PAX8: variants seen among roughly 807,000 people sequenced by gnomAD.
PAX8 encodes the protein paired box protein Pax-8.
Under a neutral mutation model 52.4 loss-of-function variants are expected in PAX8, and 15 were observed. That is an observed-to-expected ratio of 0.29 (90% confidence interval 0.19 to 0.44). PAX8 has a LOEUF of 0.44. Among genes scored for constraint, PAX8 ranks in the 20% least tolerant of loss-of-function variants. PAX8 has a pLI of 1.00. For missense variants in PAX8, 554 were observed against 602.5 expected, an observed-to-expected ratio of 0.92 and a Z score of 0.84; for synonymous variants, 284 against 249.7, an observed-to-expected ratio of 1.14 and a Z score of -1.29.
At chr2:113,228,566 A>C (rs1197317549) in intron 9 of PAX8, among the ~76,000 whole-genome samples, 1 of 152,240 alleles carries the variant, frequency 6.6e-6, no homozygotes, top group African/African-American at 2.4e-5. Context: ...TGACAACAAA[A>C]ATGCCTCCAG....
Position 113,235,489 on chromosome 2 carries a change from T to A in PAX8, c.992A>T (p.Asp331Val), listed in dbSNP as rs772564615. 6.2e-6 allele frequency: 10 copies of A among 1,613,544 alleles called. No individual in the cohort carries two copies. Among genetic ancestry groups the A allele is most frequent in the Non-Finnish European group, 8.5e-6 (10 of 1,179,792 alleles). ...PSSLSSSAFL[D>V]LQQVGSGVPP... ...GACCCCGGAGCCGACTTGCTGCAGA[T>A]CCAAAAAGGCGGAGCTAGATAAAGA... is the stretch of plus-strand genomic sequence containing the variant. Residue 331 changes from aspartate to valine, a missense_variant, in exon 9 of 12, where the codon GAT becomes GTT. Physicochemically the swap from Asp to Val is radical, Grantham distance 152. Around this residue, in one of 2 missense-constraint regions of PAX8, gnomAD observed 445 missense variants for 409.9 expected, o/e 1.09. Transcript: ENST00000429538.
rs866301416 is a variant in PAX8, at chr2:113,235,227, C to G, written c.1087+167G>C. 25 of 603,458 alleles carry G rather than the reference C, an allele frequency of 4.1e-5. No homozygotes were observed. In the Middle Eastern group the frequency reaches 3.6e-3, roughly 87 times the overall value. The allele number at this position is 603,458 out of a possible 1,614,324, so 37.4% of individuals were successfully genotyped here. A position where few individuals can be genotyped will look rare whatever the true frequency, so the allele number is the denominator to read the frequency against. ...CCGCCCCTTCCGAGCATGTCTTCCC[C>G]GTCACAGAGAACTTCATGTTGGCGC... On this transcript the variant is annotated intron_variant, in intron 9 of 11. Coordinates refer to ENST00000429538, the MANE Select transcript of PAX8 (RefSeq NM_003466.4).
chr2:113,218,513 TC>T lies in PAX8; in HGVS notation c.*19del. The T allele has an allele frequency of 6.7e-7, 1 of 1,497,350 alleles. No individual in the cohort carries two copies. The highest frequency in any genetic ancestry group is 9.0e-7 in the Non-Finnish European group (1 of 1,106,782). The allele number at this position is 1,497,350 out of a possible 1,614,324, so 92.8% of individuals were successfully genotyped here. Reference sequence around the variant, plus strand: ...CTGAGTCCTCCTGTTGCTCAGTCGCTCCCACTGTCCCCATGGCAACTACAGA... The same window carrying T: ...CTGAGTCCTCCTGTTGCTCAGTCGCTCCACTGTCCCCATGGCAACTACAGA... On this transcript the variant is annotated 3_prime_UTR_variant, in exon 12 of 12. Transcript: ENST00000429538.
At chr2:113,273,709 T>C (rs1053805229) in intron 2 of PAX8, 4 of 152,228 alleles carry the variant, frequency 2.6e-5, no homozygotes, top group Admixed American at 2.6e-4. Context: ...ATATCTTCAC[T>C]AAATTACTGT....
chr2:113,229,084 G>C (rs1689745337), intron 9 of PAX8, among the ~76,000 whole-genome samples: 1 of 152,202 alleles, frequency 6.6e-6, no homozygotes, highest in Non-Finnish European at 1.5e-5. Flanking sequence ...CATAGGCTGG[G>C]ATAGGCATTT....
At chr2:113,220,376 G>C in intron 10 of PAX8, 198 bp from the exon 11 acceptor site, 2 of 586,744 alleles carry the variant, frequency 3.4e-6, no homozygotes, top group Non-Finnish European at 6.2e-6. Flanking sequence ...GAAAATTTGG[G>C]GCAGTGTCCT....
Position 113,217,630 on chromosome 2 carries a change from G to C in PAX8, c.*903C>G, listed in dbSNP as rs1689072267. The C allele has an allele frequency of 4.3e-6, 1 of 231,562 alleles. No homozygotes were observed. The highest frequency in any genetic ancestry group is 8.5e-6 in the Non-Finnish European group (1 of 117,056). The allele number at this position is 231,562 out of a possible 1,614,324, so 14.3% of individuals were successfully genotyped here. ...GTGCCTTGGGTCCCTTCAGTAGCTG[G>C]TGGGCGTGAGCTGCAGGAAGCACAT... On this transcript the variant is annotated 3_prime_UTR_variant, in exon 12 of 12. Coordinates refer to ENST00000429538, the MANE Select transcript of PAX8 (RefSeq NM_003466.4).
intron 9 of PAX8, among the ~76,000 whole-genome samples, chr2:113,228,236 A>G (rs1689697806): frequency 8.5e-5 from 13 of 152,172 alleles, no homozygotes; most frequent in Admixed American, 8.5e-4. Context: ...GCAGGCCCCA[A>G]TCAGATTCTC....
intron 4 of PAX8, among the ~76,000 whole-genome samples, chr2:113,243,670 G>T (rs2003986): frequency 0.15 from 22,342 of 152,192 alleles, 1,860 homozygotes; most frequent in Non-Finnish European, 0.19. Flanking sequence ...GGGATTACAG[G>T]CATGAGCCAC....
chr2:113,230,808 C>T (rs1369425461), intron 9 of PAX8, among the ~76,000 whole-genome samples: 1 of 152,194 alleles, frequency 6.6e-6, no homozygotes, highest in Admixed American at 6.5e-5. Flanking sequence ...CTAACCATGC[C>T]CTCTTACCTA....
intron 3 of PAX8, among the ~76,000 whole-genome samples, chr2:113,245,414 G>A (rs1488196031): frequency 6.6e-6 from 1 of 152,110 alleles, no homozygotes; most frequent in Non-Finnish European, 1.5e-5. Context: ...GCTCTGTCTT[G>A]CTGGTTCACC....
chr2:113,275,094 G>C (rs1168752218), intron 2 of PAX8: 1 of 151,918 alleles, frequency 6.6e-6, no homozygotes. Flanking sequence ...TCCTTTTGGG[G>C]GTAGACTGAT....
In PAX8 at chr2:113,220,145, G is replaced by A. The variant is rs570158369; in HGVS notation, c.1223C>T (p.Thr408Ile). The part of the protein sequence containing the change: ...SEYSGNAYGH[T>I]PYSSYSEAWR... Reference sequence around the variant, plus strand: ...GGCCTCGCTGTAGGAGGAGTAGGGGGTGTGGCCATAGGCATTGCCAGAGTA... The same window carrying A: ...GGCCTCGCTGTAGGAGGAGTAGGGGATGTGGCCATAGGCATTGCCAGAGTA... The change falls in exon 11 of 12, where the codon ACC becomes ATC. Residue 408 changes from threonine to isoleucine, a missense_variant. Thr to Ile is a moderately conservative substitution (Grantham distance 89). Coordinates refer to ENST00000429538, the MANE Select transcript of PAX8 (RefSeq NM_003466.4). 13 of 1,614,002 alleles carry A rather than the reference G, an allele frequency of 8.1e-6. No homozygotes were observed. In the South Asian group the frequency reaches 1.4e-4, roughly 18 times the overall value.
chr2:113,267,520 C>T (rs1017108883), intron 2 of PAX8: 2 of 152,254 alleles, frequency 1.3e-5, no homozygotes, highest in South Asian at 4.1e-4. Context: ...CTACTCAGAC[C>T]TTAAACCACA....
At chr2:113,268,288 G>A (rs1490461448) in intron 2 of PAX8, 2 of 152,322 alleles carry the variant, frequency 1.3e-5, no homozygotes, top group Non-Finnish European at 2.9e-5. Context: ...CCTGGGTTGG[G>A]TCAGCCCTCA....
chr2:113,268,410 C>G (rs1038375538), intron 2 of PAX8: 64 of 152,414 alleles, frequency 4.2e-4, no homozygotes, highest in African/African-American at 1.4e-3. Flanking sequence ...CGGGGCATAC[C>G]TCTCTGGGTC....
chr2:113,269,636 A>G (rs995786926), intron 2 of PAX8: 23 of 152,370 alleles, frequency 1.5e-4, no homozygotes, highest in African/African-American at 5.1e-4. Flanking sequence ...AGGGTTTGCT[A>G]TCAGGCCAAA....
intron 2 of PAX8, chr2:113,263,179 A>T (rs954688915): frequency 6.6e-6 from 1 of 152,258 alleles, no homozygotes; most frequent in Non-Finnish European, 1.5e-5. Context: ...TCTTGACATT[A>T]CTATACTTGC....
At position 113,218,620 on chromosome 2, in the gene PAX8, T is replaced by TAA; in HGVS notation, c.1277-13_1277-12dup. On this transcript the variant is annotated splice_polypyrimidine_tract_variant and intron_variant, in intron 11 of 11. Coordinates refer to ENST00000429538, the MANE Select transcript of PAX8 (RefSeq NM_003466.4). The stretch of plus-strand genomic sequence containing the variant: ...AATAATATGGGGAACCTGGACACAT[T>TAA]AAAAAAAAATAACAACAACACTGCT... The TAA allele has an allele frequency of 1.3e-5, 19 of 1,441,718 alleles. No individual in the cohort carries two copies. The highest frequency in any genetic ancestry group is 2.9e-5 in the African/African-American group (2 of 70,090). The allele number at this position is 1,441,718 out of a possible 1,614,324, so 89.3% of individuals were successfully genotyped here. A position where few individuals can be genotyped will look rare whatever the true frequency, so the allele number is the denominator to read the frequency against.
Sources: gnomAD v4.1 joint callset for allele counts (sites outside exome capture counted in the v4.1 genomes callset) on GRCh38, gnomAD v4.1.1 for gene constraint, gnomAD v4.1.1 regional missense constraint, MANE v1.5 for transcripts, NCBI Gene and HGNC (gene_info 2026-07-23, HGNC 2026-07-21) for gene names.